Variants in ANKS1B observed in about 807,000 individuals in gnomAD.
ANKS1B encodes ankyrin repeat and sterile alpha motif domain-containing protein 1B.
ANKS1B carries 36 observed loss-of-function variants against 148.3 expected under a neutral mutation model. The observed-to-expected ratio is 0.24, with a 90% CI of 0.19 to 0.32. The LOEUF (loss-of-function observed/expected upper bound fraction) is 0.32, where lower values mean the gene tolerates loss of function less well. Ranked by LOEUF, ANKS1B falls within the 10% of genes least tolerant of loss-of-function variation. The probability of loss-of-function intolerance (pLI) is 1.00; values close to 1 mark genes in which losing one functional copy is unlikely to be tolerated. For synonymous variants in ANKS1B, 542 were observed against 560.8 expected (o/e 0.97, Z 0.47); for missense variants, 1,157 against 1,542.6 (o/e 0.75, Z 4.19).
intron 1 of ANKS1B, among the ~76,000 whole-genome samples, chr12:99,862,549 GT>G (rs2090172556): frequency 6.6e-6 from 1 of 152,200 alleles, no homozygotes; most frequent in Non-Finnish European, 1.5e-5. Context: ...AGGGTATCAT[GT>G]TTTGTATGAT....
At chr12:98,774,638 C>A (rs1224128939) in intron 24 of ANKS1B, among the ~76,000 whole-genome samples, 1 of 152,070 alleles carries the variant, frequency 6.6e-6, no homozygotes, top group African/African-American at 2.4e-5. Context: ...TTTTTAATTG[C>A]GCTGTCTTAA....
At chr12:99,254,832 T>A (rs1346434762) in intron 12 of ANKS1B, among the ~76,000 whole-genome samples, 1 of 152,178 alleles carries the variant, frequency 6.6e-6, no homozygotes, top group East Asian at 1.9e-4. Context: ...ATGTTAAACA[T>A]TAGATATTAA....
At position 98,745,680 on chromosome 12, in the gene ANKS1B, A is replaced by G. The variant is rs1040722011; in HGVS notation, c.*59T>C. ...GGGTGGACGCGGAGGCGCGAAGGAA[A>G]GCCTGCTCCGGGACCGCTTGGCGAG... On this transcript the variant is annotated 3_prime_UTR_variant, in exon 27 of 27. Transcript: ENST00000683438. The G allele has an allele frequency of 2.1e-5, 33 of 1,595,818 alleles. No homozygotes were observed. The highest frequency in any genetic ancestry group is 3.4e-4 in the Middle Eastern group (2 of 5,968).
chr12:99,452,067 A>T (rs577812203), intron 10 of ANKS1B, among the ~76,000 whole-genome samples: 70 of 152,182 alleles, frequency 4.6e-4, no homozygotes, highest in African/African-American at 1.4e-3. Flanking sequence ...GAGTTGACAA[A>T]TTTTTTCTGT....
intron 9 of ANKS1B, chr12:99,648,783 C>A: frequency 6.2e-7 from 1 of 1,609,458 alleles, no homozygotes; most frequent in African/African-American, 1.3e-5. Flanking sequence ...TGCAGAGGAG[C>A]CCAGTGGTGA....
At chr12:99,515,725 C>T (rs1467366190) in intron 9 of ANKS1B, among the ~76,000 whole-genome samples, 2 of 152,002 alleles carry the variant, frequency 1.3e-5, no homozygotes, top group Admixed American at 6.6e-5. Flanking sequence ...TACATGATAG[C>T]TCCCTTTTTA....
rs372473506 is a variant in ANKS1B at position 98,981,480 on chromosome 12, C to T, written c.2778+71677G>A. 1.7e-4 allele frequency among the ~76,000 whole-genome samples: 26 copies of T among 152,212 alleles called. No individual in the cohort carries two copies. The East Asian group carries it at 2.5e-3, about 15-fold the overall frequency. On this transcript the variant is annotated intron_variant, in intron 17 of 26. Coordinates refer to ENST00000683438, the MANE Select transcript of ANKS1B (RefSeq NM_001352186.2). ...CCTCCCGAGTAGCTGCAACTACAGGCGCATACCACCACGCCTGGCTCATTT... is the reference window on the plus strand; with the variant it reads ...CCTCCCGAGTAGCTGCAACTACAGGTGCATACCACCACGCCTGGCTCATTT...
intron 15 of ANKS1B, among the ~76,000 whole-genome samples, chr12:99,105,531 G>T (rs1000181564): frequency 1.3e-5 from 2 of 150,980 alleles, no homozygotes; most frequent in Non-Finnish European, 2.9e-5. Flanking sequence ...TTTTTTGGGA[G>T]GCCGAGGCGG....
intron 8 of ANKS1B, among the ~76,000 whole-genome samples, chr12:99,739,636 G>A (rs12371279): frequency 2.0e-5 from 3 of 152,060 alleles, no homozygotes; most frequent in East Asian, 1.9e-4. Context: ...CCCCTTCCAC[G>A]TCTCTTTGAC....
intron 1 of ANKS1B, among the ~76,000 whole-genome samples, chr12:99,959,279 G>A (rs143931905): frequency 0.029 from 3,711 of 128,660 alleles, 190 homozygotes; most frequent in African/African-American, 0.1. Flanking sequence ...GAGTTTCACC[G>A]TGTTAGCCAG....
intron 1 of ANKS1B, among the ~76,000 whole-genome samples, chr12:99,852,060 C>T (rs549236945): frequency 6.6e-6 from 1 of 152,278 alleles, no homozygotes; most frequent in East Asian, 1.9e-4. Flanking sequence ...AAAGCTCAGT[C>T]TAGCTAAAAA....
intron 8 of ANKS1B, among the ~76,000 whole-genome samples, chr12:99,687,989 C>T (rs1218290058): frequency 6.6e-6 from 1 of 152,086 alleles, no homozygotes; most frequent in East Asian, 1.9e-4. Context: ...TTGAGGCTTC[C>T]TTTAAACTTT....
intron 17 of ANKS1B, among the ~76,000 whole-genome samples, chr12:98,905,678 A>G (rs1261630273): frequency 6.6e-6 from 1 of 152,088 alleles, no homozygotes; most frequent in Non-Finnish European, 1.5e-5. Context: ...AGGGTGAGGC[A>G]AGAGGATCAC....
chr12:99,323,738 G>T (rs993153443), intron 12 of ANKS1B, among the ~76,000 whole-genome samples: 9 of 152,136 alleles, frequency 5.9e-5, no homozygotes, highest in Non-Finnish European at 1.3e-4. Context: ...AGAGAAAAAG[G>T]GAACTCTGAA....
At chr12:99,867,521 C>T (rs190211287) in intron 1 of ANKS1B, among the ~76,000 whole-genome samples, 64 of 152,282 alleles carry the variant, frequency 4.2e-4, no homozygotes, top group African/African-American at 1.4e-3. Flanking sequence ...TCTTACATGG[C>T]AGCAGGCAAG....
chr12:99,423,287 T>C (rs948278149), intron 11 of ANKS1B, among the ~76,000 whole-genome samples: 4 of 152,004 alleles, frequency 2.6e-5, no homozygotes, highest in Non-Finnish European at 5.9e-5. Context: ...CAATGAGATA[T>C]CACCTCACAC....
At chr12:98,909,072 G>A (rs2099783247) in intron 17 of ANKS1B, among the ~76,000 whole-genome samples, 1 of 152,192 alleles carries the variant, frequency 6.6e-6, no homozygotes, top group Non-Finnish European at 1.5e-5. Context: ...CAGAAGATGA[G>A]TGCAGAGCTG....
chr12:99,721,200 T>C (rs181007052), intron 8 of ANKS1B, among the ~76,000 whole-genome samples: 1 of 152,258 alleles, frequency 6.6e-6, no homozygotes, highest in Admixed American at 6.5e-5. Context: ...ACGCCGCCCC[T>C]AATCCCACTC....
intron 12 of ANKS1B, among the ~76,000 whole-genome samples, chr12:99,328,845 TC>T (rs1182754905): frequency 1.3e-5 from 2 of 151,818 alleles, no homozygotes; most frequent in South Asian, 2.1e-4. Context: ...GAAACTTACA[TC>T]AAAACTGTGT....
Sources: gnomAD v4.1 joint callset for allele counts (sites outside exome capture counted in the v4.1 genomes callset) on GRCh38, gnomAD v4.1.1 for gene constraint, MANE v1.5 for transcripts, NCBI Gene and HGNC (gene_info 2026-07-23, HGNC 2026-07-21) for gene names.